INTS1: variants seen among roughly 807,000 people sequenced by gnomAD.
INTS1 encodes integrator complex subunit 1.
A neutral mutation model predicts 241.6 loss-of-function variants in INTS1; 137 were observed. The observed-to-expected ratio is 0.57, with a 90% CI of 0.49 to 0.65. INTS1 has a LOEUF of 0.65. INTS1 is among the 30% of genes least tolerant of loss of function. The pLI is 0.00. For synonymous variants in INTS1, 1,692 were observed against 1,337.8 expected, an observed-to-expected ratio of 1.26 and a Z score of -5.78; for missense variants, 3,073 against 3,032.2, an observed-to-expected ratio of 1.01 and a Z score of -0.32.
intron 37 of INTS1, 54 bp from the exon 38 acceptor site, chr7:1,476,509 C>T (rs780734328): frequency 1.9e-6 from 3 of 1,601,728 alleles, no homozygotes; most frequent in Non-Finnish European, 8.5e-7. Flanking sequence ...CCCGGATGGG[C>T]CACCCCCTCT....
chr7:1,472,475 C>G (rs1171580960), intron 43 of INTS1, 89 bp from the exon 44 acceptor site: 4 of 905,422 alleles, frequency 4.4e-6, no homozygotes, highest in Non-Finnish European at 6.5e-6. Flanking sequence ...GAGAGCACGG[C>G]GGCCACTGCC....
In INTS1 at chr7:1,470,334, G is replaced by GCT. The variant is rs1781395920; in HGVS notation, c.*241_*242dup. ...CAGGCCATGCCCGGGGGGATCCGCC[G>GCT]CTCCGCGGCAGGGCTGTGGCCCAGA... is the stretch of plus-strand genomic sequence containing the variant. On this transcript the variant is annotated 3_prime_UTR_variant, in exon 48 of 48. Coordinates refer to ENST00000404767, the MANE Select transcript of INTS1 (RefSeq NM_001080453.3). The GCT allele has an allele frequency of 2.1e-6, 1 of 470,862 alleles. No homozygotes were observed. The highest frequency in any genetic ancestry group is 3.7e-6 in the Non-Finnish European group (1 of 268,156). The allele number at this position is 470,862 out of a possible 1,614,324, so 29.2% of individuals were successfully genotyped here. A position where few individuals can be genotyped will look rare whatever the true frequency, so the allele number is the denominator to read the frequency against.
chr7:1,493,737 C>T lies in INTS1; in HGVS notation c.2068+17G>A, dbSNP rs980065482. The T allele has an allele frequency of 6.4e-7, 1 of 1,565,642 alleles. No individual in the cohort carries two copies. The highest frequency in any genetic ancestry group is 8.6e-7 in the Non-Finnish European group (1 of 1,156,700). On this transcript the variant is annotated intron_variant, in intron 15 of 47. Coordinates refer to ENST00000404767, the MANE Select transcript of INTS1 (RefSeq NM_001080453.3). This position sits in a 1 kb window ranked among gnomAD's most constrained non-coding sequence, Gnocchi z 5.3. ...GAGCAGACCCAGCACAGGCGCCATC[C>T]CCTGCAGAAGCCATACCATCCGCCT...
chr7:1,476,966 A>T, intron 35 of INTS1, 48 bp from the exon 36 acceptor site: 1 of 1,576,054 alleles, frequency 6.3e-7, no homozygotes, highest in Non-Finnish European at 8.6e-7. Flanking sequence ...GGCCAATGGC[A>T]GGCTCTGCTG....
intron 38 of INTS1, 59 bp downstream of exon 38, chr7:1,476,170 C>T: frequency 6.5e-7 from 1 of 1,527,084 alleles, no homozygotes; most frequent in East Asian, 2.5e-5. Context: ...CAGGGCTGGG[C>T]CTCGACCCCC....
rs1458046532 is a variant in INTS1, at chr7:1,481,167, C to T, written c.3850+175G>A. The stretch of plus-strand genomic sequence containing the variant: ...GTTGGGGCAGGCCCAGGCCTCGGCT[C>T]CCTCCTGACTGTGCCAGCCTCACCA... On this transcript the variant is annotated intron_variant, in intron 28 of 47. Transcript: ENST00000404767. This position sits in a 1 kb window ranked among gnomAD's most constrained non-coding sequence, Gnocchi z 6.8. 8.6e-6 allele frequency: 7 copies of T among 814,824 alleles called. No individual in the cohort carries two copies. The highest frequency in any genetic ancestry group is 1.5e-5 in the South Asian group (1 of 66,868). 50.5% of individuals were successfully genotyped at this position (814,824 alleles called of 1,614,324 possible).
chr7:1,471,072 G>T, intron 46 of INTS1, 61 bp downstream of exon 46: 1 of 1,527,514 alleles, frequency 6.5e-7, no homozygotes, highest in Non-Finnish European at 8.9e-7. Context: ...CGGGTCAAGC[G>T]GTGACCTGGG....
Position 1,499,020 on chromosome 7 carries a change from C to T in INTS1, c.1092G>A (p.Arg364=). The change falls in exon 8 of 48, where the codon CGG becomes CGA. Residue 364 remains arginine (R), a synonymous_variant. Coordinates refer to ENST00000404767, the MANE Select transcript of INTS1 (RefSeq NM_001080453.3). ...LTSTCGYKEV[R]LLAVQKLEMW... is the part of the protein sequence containing the mutation. ...TCTCCAGCTTCTGCACCGCCAGCAG[C>T]CGCACCTCCTTATAGCCGCAGGTGG... The T allele has an allele frequency of 6.4e-7, 1 of 1,562,546 alleles. No individual in the cohort carries two copies. Among genetic ancestry groups the T allele is most frequent in the Non-Finnish European group, 8.7e-7 (1 of 1,155,006 alleles).
At chr7:1,491,663 G>A (rs1001865676) in intron 16 of INTS1, among the ~76,000 whole-genome samples, 2 of 152,224 alleles carry the variant, frequency 1.3e-5, no homozygotes, top group African/African-American at 4.8e-5. Flanking sequence ...CACTTTAGGA[G>A]GTCAAAGCAG....
intron 10 of INTS1, 57 bp downstream of exon 10, chr7:1,498,355 C>G (rs1424294877): frequency 3.1e-6 from 5 of 1,600,770 alleles, no homozygotes; most frequent in South Asian, 2.2e-5. Context: ...ACGTGCCCCT[C>G]CAGCCCAGAG....
rs1562485969 is a variant in INTS1, at chr7:1,474,706, T to C, written c.5635A>G (p.Arg1879Gly). ...AGGGCAGGGCTTCTGGGACAGCACC[T>C]GAGCAGCAGCAGCGGGTGCGCCACC... ...LAVAHPLLLL[R>G]HLPMIAALLH... The change falls in exon 40 of 48, where the codon AGG (arginine) becomes GGG (glycine). Residue 1879 changes from arginine (R) to glycine (G), a missense_variant and splice_region_variant. Physicochemically the swap from Arg to Gly is moderately radical, Grantham distance 125. Transcript: ENST00000404767. 1.9e-6 allele frequency: 3 copies of C among 1,559,244 alleles called. No homozygotes were observed. Among genetic ancestry groups the C allele is most frequent in the Non-Finnish European group, 2.6e-6 (3 of 1,153,762 alleles).
intron 13 of INTS1, 90 bp from the exon 14 acceptor site, chr7:1,494,983 GC>G: frequency 1.4e-6 from 2 of 1,460,792 alleles, no homozygotes; most frequent in Non-Finnish European, 1.9e-6. Context: ...GCTCCCACGG[GC>G]CCCAGCGCTC....
At chr7:1,479,359 A>G in intron 31 of INTS1, 71 bp downstream of exon 31, 1 of 1,488,274 alleles carries the variant, frequency 6.7e-7, no homozygotes, top group South Asian at 1.2e-5. Flanking sequence ...GTCACAGGAC[A>G]CCCGGGCCGT....
Position 1,478,496 on chromosome 7 carries a change from C to T in INTS1, c.4500G>A (p.Gly1500=), listed in dbSNP as rs943446647. 2 of 1,610,632 alleles carry T rather than the reference C, an allele frequency of 1.2e-6. No homozygotes were observed. Among genetic ancestry groups the T allele is most frequent in the Non-Finnish European group, 1.7e-6 (2 of 1,179,444 alleles). ...AGRRLSDVRG[G]LLRLAEALAF... ...CCAGGGCCTCGGCCAGGCGCAGGAG[C>T]CCCCCTCGCACTGTGGGAGGTCTGT... Residue 1500 remains glycine (G), a synonymous_variant, in exon 33 of 48, where the codon GGG becomes GGA. Coordinates refer to ENST00000404767, the MANE Select transcript of INTS1 (RefSeq NM_001080453.3).
rs748220907 is a variant in INTS1 at position 1,499,481 on chromosome 7, A to T, written c.836T>A (p.Leu279Gln). 7.0e-7 allele frequency: 1 copy of T among 1,418,722 alleles called. No individual in the cohort carries two copies. Among genetic ancestry groups the T allele is most frequent in the Admixed American group, 2.1e-5 (1 of 48,324 alleles). 87.9% of individuals were successfully genotyped at this position (1,418,722 alleles called of 1,614,324 possible). ...CTGGCCGTGTGTCTCACCTGCACCC[A>T]GGTCGCCCGCAACGCGGCCCGCCTC... ...QGEAGRVAGD[L>Q]GAGSSPHPSL... The change falls in exon 6 of 48, where the codon CTG becomes CAG. Residue 279 changes from leucine (L) to glutamine (Q), a missense_variant. Coordinates refer to ENST00000404767, the MANE Select transcript of INTS1 (RefSeq NM_001080453.3).
rs182322396 is a variant in INTS1, at chr7:1,493,229, G to A, written c.2069-123C>T. The A allele has an allele frequency of 8.0e-5, 55 of 687,324 alleles. No individual in the cohort carries two copies. Among genetic ancestry groups the A allele is most frequent in the South Asian group, 6.1e-4 (34 of 55,984 alleles). The allele number at this position is 687,324 out of a possible 1,614,324, so 42.6% of individuals were successfully genotyped here. A position where few individuals can be genotyped will look rare whatever the true frequency, so the allele number is the denominator to read the frequency against. Reference sequence around the variant, plus strand: ...GGTGGGGGATGCCGCAGGGTGGGGCGCAGGCCTGAGCAGGAGAGCTGGGGG... The same window carrying A: ...GGTGGGGGATGCCGCAGGGTGGGGCACAGGCCTGAGCAGGAGAGCTGGGGG... On this transcript the variant is annotated intron_variant, in intron 15 of 47. Coordinates refer to ENST00000404767, the MANE Select transcript of INTS1 (RefSeq NM_001080453.3). This position sits in a 1 kb window ranked among gnomAD's most constrained non-coding sequence, Gnocchi z 5.3.
At position 1,503,997 on chromosome 7, in the gene INTS1, G is replaced by A. The variant is rs1484376300; in HGVS notation, c.-37C>T. The A allele has an allele frequency of 1.7e-5, 26 of 1,500,196 alleles. No individual in the cohort carries two copies. Among genetic ancestry groups the A allele is most frequent in the East Asian group, 2.5e-5 (1 of 39,866 alleles). 92.9% of individuals were successfully genotyped at this position (1,500,196 alleles called of 1,614,324 possible). On this transcript the variant is annotated 5_prime_UTR_variant, in exon 2 of 48. It adds an upstream start codon to the 5' untranslated region. Transcript: ENST00000404767. Reference sequence around the variant, plus strand: ...CCTCGCGGCTCCCGGCGGCTGCGGCGTCACCTGCGGAGGAGCCAGCGTGCG... The same window carrying A: ...CCTCGCGGCTCCCGGCGGCTGCGGCATCACCTGCGGAGGAGCCAGCGTGCG...
chr7:1,483,802 T>C lies in INTS1; in HGVS notation c.3481A>G (p.Thr1161Ala). Residue 1161 changes from threonine to alanine, a missense_variant, in exon 26 of 48, where the codon ACC becomes GCC. By Grantham distance (58) the Thr-to-Ala change is moderately conservative (BLOSUM62 0). Transcript: ENST00000404767. ...GCATGGACCACGAGGATGTGCATGG[T>C]GGCTGTCTCCCCGCTGCTCCAGCGT... ...FLRWSSGETATMHILVVHAMV... is the reference protein window; with the variant it reads ...FLRWSSGETAAMHILVVHAMV... The C allele has an allele frequency of 6.2e-7, 1 of 1,612,554 alleles. No individual in the cohort carries two copies. The highest frequency in any genetic ancestry group is 8.5e-7 in the Non-Finnish European group (1 of 1,179,688).
intron 26 of INTS1, 40 bp from the exon 27 acceptor site, chr7:1,482,747 C>G: frequency 1.2e-6 from 2 of 1,601,142 alleles, no homozygotes; most frequent in Non-Finnish European, 1.7e-6. Flanking sequence ...TCAGACCCAC[C>G]GGGGCCCAGC....
Sources: gnomAD v4.1 joint callset for allele counts (sites outside exome capture counted in the v4.1 genomes callset) on GRCh38, gnomAD v4.1.1 for gene constraint, Gnocchi (gnomAD v3.1) non-coding constraint, MANE v1.5 for transcripts, NCBI Gene and HGNC (gene_info 2026-07-23, HGNC 2026-07-21) for gene names.